Variants in ZC3H12B observed in about 807,000 individuals in gnomAD.
ZC3H12B encodes zinc finger CCCH-type containing 12B.
In ZC3H12B, 7 loss-of-function variants were observed where a neutral mutation model predicts 43.9. The ratio of observed to expected loss-of-function variants is 0.16; its 90% CI spans 0.09 to 0.30. The LOEUF (loss-of-function observed/expected upper bound fraction) is 0.30. Ranked by LOEUF, ZC3H12B falls within the 10% of genes least tolerant of loss-of-function variation. ZC3H12B has a pLI of 1.00. For synonymous variants in ZC3H12B, 222 were observed against 241.7 expected, an observed-to-expected ratio of 0.92 and a Z score of 0.76; for missense variants, 475 against 670.2, an observed-to-expected ratio of 0.71 and a Z score of 3.22.
chrX:65,129,801 G>T, the ZC3H12B span, among the ~76,000 whole-genome samples: 1 of 110,816 alleles, frequency 9.0e-6, no homozygotes, highest in Non-Finnish European at 1.9e-5. Flanking sequence ...GTTTCTCAGG[G>T]CTACTTTGAG....
At chrX:65,454,327 A>G (rs1320056027) in intron 3 of ZC3H12B, among the ~76,000 whole-genome samples, 2 of 112,239 alleles carry the variant, frequency 1.8e-5, no homozygotes, top group Non-Finnish European at 3.8e-5. Flanking sequence ...ACACCAGGAG[A>G]TTATATCCCA....
chrX:65,416,745 C>T (rs1186972928), intron 3 of ZC3H12B, among the ~76,000 whole-genome samples: 7 of 107,625 alleles, frequency 6.5e-5, no homozygotes, highest in African/African-American at 6.8e-5. Flanking sequence ...GCCGAGATCC[C>T]GCCACTGCAC....
At chrX:65,064,555 A>G in the ZC3H12B span, among the ~76,000 whole-genome samples, 1 of 111,403 alleles carries the variant, frequency 9.0e-6, no homozygotes, top group Non-Finnish European at 1.9e-5. Context: ...ATTGCTGAGG[A>G]GTGTTTTACT....
intron 2 of ZC3H12B, among the ~76,000 whole-genome samples, chrX:65,397,978 T>A (rs1317013215): frequency 8.9e-6 from 1 of 112,133 alleles, no homozygotes; most frequent in Non-Finnish European, 1.9e-5. Flanking sequence ...CATTTCTATA[T>A]GCCCACATAG....
intron 3 of ZC3H12B, among the ~76,000 whole-genome samples, chrX:65,443,024 G>A (rs1306830235): frequency 9.0e-6 from 1 of 110,854 alleles, no homozygotes; most frequent in African/African-American, 3.3e-5. Flanking sequence ...ATAAGGAGGG[G>A]GTGCAGAAGG....
chrX:65,211,717 T>C, the ZC3H12B span, among the ~76,000 whole-genome samples: 5 of 88,038 alleles, frequency 5.7e-5, no homozygotes, highest in African/African-American at 2.1e-4. Context: ...ATATATATTA[T>C]ATATTTTTAT....
At chrX:65,252,270 A>G in the ZC3H12B span, among the ~76,000 whole-genome samples, 1 of 111,232 alleles carries the variant, frequency 9.0e-6, no homozygotes, top group Non-Finnish European at 1.9e-5. Flanking sequence ...CCAGCCTTGC[A>G]TCCCAGGGAT....
At chrX:65,119,994 C>T in the ZC3H12B span, among the ~76,000 whole-genome samples, 1 of 111,451 alleles carries the variant, frequency 9.0e-6, no homozygotes, top group Non-Finnish European at 1.9e-5. Context: ...CTGTTCAGTT[C>T]CATTGGTCTA....
chrX:65,063,115 A>G, the ZC3H12B span, among the ~76,000 whole-genome samples: 1 of 111,948 alleles, frequency 8.9e-6, no homozygotes, highest in Non-Finnish European at 1.9e-5. Context: ...AACAGACACA[A>G]TCTGACTTTT....
chrX:65,414,017 A>G (rs2066933098), intron 3 of ZC3H12B, among the ~76,000 whole-genome samples: 2 of 111,799 alleles, frequency 1.8e-5, no homozygotes, highest in South Asian at 7.3e-4. Context: ...ATTTCTAGGC[A>G]TTTCATTCAT....
intron 3 of ZC3H12B, among the ~76,000 whole-genome samples, chrX:65,467,289 T>G (rs2067837263): frequency 9.0e-6 from 1 of 110,665 alleles, no homozygotes; most frequent in Non-Finnish European, 1.9e-5. Context: ...TTTATTATTC[T>G]TTTTATGGCT....
chrX:65,188,358 A>AC, the ZC3H12B span, among the ~76,000 whole-genome samples: 1 of 75,855 alleles, frequency 1.3e-5, no homozygotes, highest in Non-Finnish European at 2.6e-5. Context: ...TGGTTGCTCT[A>AC]TTTTTTTTTT....
the ZC3H12B span, among the ~76,000 whole-genome samples, chrX:65,197,816 T>G: frequency 1.8e-5 from 2 of 112,145 alleles, no homozygotes; most frequent in African/African-American, 6.5e-5. Flanking sequence ...GAGCTGAAAC[T>G]GGGGCTCTGA....
In ZC3H12B at chrX:65,383,433, A is replaced by C. The variant is rs1449086290; in HGVS notation, n.295+14435A>C. ...AGCTGAAACTGGATCCCTTCCTTAC[A>C]CCTTATACAAAAATCAATTCAAGAT... On this transcript the variant is annotated intron_variant and non_coding_transcript_variant, in intron 2 of 5. Coordinates refer to the ZC3H12B transcript ENST00000617377. Among the ~76,000 whole-genome samples, 3 of 111,266 alleles carry C rather than the reference A, an allele frequency of 2.7e-5. No homozygotes were observed. The East Asian group carries it at 8.4e-4, about 31-fold the overall frequency.
the ZC3H12B span, among the ~76,000 whole-genome samples, chrX:65,049,350 T>C: frequency 9.0e-6 from 1 of 111,488 alleles, no homozygotes; most frequent in Non-Finnish European, 1.9e-5. Flanking sequence ...TTTTTGTATA[T>C]TGTATAAGAT....
At chrX:65,361,405 C>G in the ZC3H12B span, among the ~76,000 whole-genome samples, 27 of 111,730 alleles carry the variant, frequency 2.4e-4, no homozygotes, top group Admixed American at 7.6e-4. Flanking sequence ...ACTCAAATAT[C>G]CAGTCCATTT....
intron 3 of ZC3H12B, among the ~76,000 whole-genome samples, chrX:65,475,378 A>G (rs1240842160): frequency 1.8e-5 from 2 of 110,994 alleles, no homozygotes; most frequent in African/African-American, 3.3e-5. Flanking sequence ...TGTCTGGGAA[A>G]AGGTTTCCCT....
At chrX:65,265,681 C>T in the ZC3H12B span, among the ~76,000 whole-genome samples, 6 of 111,592 alleles carry the variant, frequency 5.4e-5, no homozygotes, top group South Asian at 1.5e-3. Context: ...ATTTTAATGT[C>T]GAAGATATTA....
chrX:65,295,535 G>A, the ZC3H12B span, among the ~76,000 whole-genome samples: 6 of 110,979 alleles, frequency 5.4e-5, no homozygotes, highest in African/African-American at 1.6e-4. Flanking sequence ...AAACCCAACA[G>A]AAGAAGAGTC....
Sources: allele counts gnomAD v4.1 joint callset (sites outside exome capture counted in the v4.1 genomes callset), GRCh38; gene constraint gnomAD v4.1.1; transcripts MANE v1.5; gene names NCBI Gene and HGNC (gene_info 2026-07-23, HGNC 2026-07-21).